Variants in BAIAP2 observed in about 807,000 individuals in gnomAD.
BAIAP2 encodes the protein BAR/IMD domain containing adaptor protein 2.
Under a neutral mutation model 63.0 loss-of-function variants are expected in BAIAP2, and 18 were observed. That is an observed-to-expected ratio of 0.29 (90% CI 0.20 to 0.42). The LOEUF (loss-of-function observed/expected upper bound fraction) is 0.42. BAIAP2 is among the 10% of genes least tolerant of loss of function. The pLI is 1.00. For synonymous variants in BAIAP2, 386 were observed against 307.6 expected (o/e 1.25, Z -2.67); for missense variants, 610 against 734.3 (o/e 0.83, Z 1.96).
chr17:81,057,969 T>TGGGGGGGG lies in BAIAP2; in HGVS notation c.217+3_217+4insGGGGGGGG. 5.2e-6 allele frequency: 5 copies of TGGGGGGGG among 964,844 alleles called. No individual in the cohort carries two copies. Among genetic ancestry groups the TGGGGGGGG allele is most frequent in the Non-Finnish European group, 5.6e-6 (4 of 713,566 alleles). The allele number at this position is 964,844 out of a possible 1,614,324, so 59.8% of individuals were successfully genotyped here. A position where few individuals can be genotyped will look rare whatever the true frequency, so the allele number is the denominator to read the frequency against. ...AGAGCCAGGGCTCCAAAGAACTCGG[T>TGGGGGGGG]GAGACCCCCCCCCCCCCCCCGCCTG... On this transcript the variant is annotated splice_region_variant and intron_variant, in intron 3 of 13. Transcript: ENST00000428708.
At chr17:81,085,805 C>A in intron 5 of BAIAP2, 80 bp downstream of exon 5, 3 of 1,127,298 alleles carry the variant, frequency 2.7e-6, no homozygotes, top group South Asian at 1.3e-5. Flanking sequence ...CCTTCCTCGG[C>A]CTGAAGGCTT....
chr17:81,040,859 G>T (rs1163729183), intron 1 of BAIAP2, among the ~76,000 whole-genome samples: 1 of 152,204 alleles, frequency 6.6e-6, no homozygotes, highest in Non-Finnish European at 1.5e-5. Context: ...GTGGCCCAGG[G>T]GCTCTTGGTG....
intron 1 of BAIAP2, among the ~76,000 whole-genome samples, chr17:81,049,790 T>C (rs542354085): frequency 6.6e-6 from 1 of 152,342 alleles, no homozygotes; most frequent in South Asian, 2.1e-4. Context: ...GCCTGTTGGC[T>C]ATGGGCCCCC....
chr17:81,104,173 T>A, intron 9 of BAIAP2, 65 bp downstream of exon 9: 1 of 1,552,740 alleles, frequency 6.4e-7, no homozygotes, highest in Non-Finnish European at 8.8e-7. Context: ...CCTACAGTCA[T>A]GCCACAACCC....
intron 3 of BAIAP2, among the ~76,000 whole-genome samples, chr17:81,072,005 C>CCCCGGCCTT (rs1251355024): frequency 2.0e-5 from 3 of 152,252 alleles, no homozygotes; most frequent in East Asian, 1.9e-4. Flanking sequence ...CTTCCGGCCT[C>CCCCGGCCTT]CCCGGCCTTC....
chr17:81,091,579 C>G (rs562599397), intron 6 of BAIAP2, among the ~76,000 whole-genome samples: 1 of 152,182 alleles, frequency 6.6e-6, no homozygotes, highest in Non-Finnish European at 1.5e-5. Context: ...GCAGTTGTCC[C>G]CAATCCTGAA....
chr17:81,046,919 A>T lies in BAIAP2; in HGVS notation c.55-6749A>T, dbSNP rs761150679. Among the ~76,000 whole-genome samples, 35 of 151,970 alleles carry T rather than the reference A, an allele frequency of 2.3e-4. No homozygotes were observed. The highest frequency in any genetic ancestry group is 4.1e-4 in the Non-Finnish European group (28 of 67,956). On this transcript the variant is annotated intron_variant, in intron 1 of 13. Transcript: ENST00000428708. The surrounding 1 kb of genome is among the most constrained non-coding windows in gnomAD (Gnocchi z 4.5). Reference sequence around the variant, plus strand: ...CTGTGGTGGCACAGCGGGCTGGGGGAAGCCCCTCTGGCACTGCCGGCCCCG... The same window carrying T: ...CTGTGGTGGCACAGCGGGCTGGGGGTAGCCCCTCTGGCACTGCCGGCCCCG...
chr17:81,047,411 G>A (rs775813435), intron 1 of BAIAP2, among the ~76,000 whole-genome samples: 3 of 152,188 alleles, frequency 2.0e-5, no homozygotes, highest in South Asian at 4.1e-4. Flanking sequence ...TCCTAGCATC[G>A]ACTCTTTCTC....
Position 81,050,638 on chromosome 17 carries a change from G to A in BAIAP2, c.55-3030G>A, listed in dbSNP as rs796904473. On this transcript the variant is annotated intron_variant, in intron 1 of 13. Transcript: ENST00000428708. ...GTGAGCAAGGGGTCTGCTCTGGCACGCCCACCTCCGTGGTAGTGTTTTCAT... is the reference window on the plus strand; with the variant it reads ...GTGAGCAAGGGGTCTGCTCTGGCACACCCACCTCCGTGGTAGTGTTTTCAT... Among the ~76,000 whole-genome samples the A allele has an allele frequency of 9.2e-5, 14 of 152,146 alleles. 1 individual carries two copies. The highest frequency in any genetic ancestry group is 3.1e-4 in the African/African-American group (13 of 41,540).
intron 3 of BAIAP2, among the ~76,000 whole-genome samples, chr17:81,069,432 CAGAG>C (rs1432564927): frequency 6.6e-6 from 1 of 151,936 alleles, no homozygotes; most frequent in Non-Finnish European, 1.5e-5. Flanking sequence ...GCAAGGTGGT[CAGAG>C]AGGCTGGGGA....
In BAIAP2 at chr17:81,115,266, C is replaced by G. The variant is rs1444908126; in HGVS notation, c.1536-504C>G. Among the ~76,000 whole-genome samples the G allele has an allele frequency of 2.6e-5, 4 of 152,246 alleles. No individual in the cohort carries two copies. The East Asian group carries it at 7.7e-4, about 29-fold the overall frequency. On this transcript the variant is annotated intron_variant, in intron 13 of 13. Coordinates refer to ENST00000428708, the MANE Select transcript of BAIAP2 (RefSeq NM_001144888.2). ...GGCCCATGGGTGTCCATCTGCAGCC[C>G]TGCGGGAGCCGTGAGCCTAACCTGC...
At position 81,108,490 on chromosome 17, in the gene BAIAP2, G is replaced by A. The variant is rs767277559; in HGVS notation, c.1516G>A (p.Gly506Arg). 1.2e-6 allele frequency: 2 copies of A among 1,613,912 alleles called. No individual in the cohort carries two copies. Among genetic ancestry groups the A allele is most frequent in the South Asian group, 1.1e-5 (1 of 91,090 alleles). The part of the protein sequence containing the change: ...PAFSQGLDDY[G>R]ARSMSRNPFA... ...CTGCCCCCAGGGCCTGGATGACTAT[G>A]GAGCGCGGTCCATGAGCAGGTAAGG... Residue 506 changes from glycine (G) to arginine (R), a missense_variant, in exon 13 of 14, where the codon GGA becomes AGA. Gly to Arg is a moderately radical substitution (Grantham distance 125). Coordinates refer to ENST00000428708, the MANE Select transcript of BAIAP2 (RefSeq NM_001144888.2).
At chr17:81,109,931 C>T (rs556360742) in intron 13 of BAIAP2, 99 of 985,426 alleles carry the variant, frequency 1.0e-4, no homozygotes, top group African/African-American at 1.6e-4. Flanking sequence ...CTGGGCACGC[C>T]GCACCCACGC....
intron 1 of BAIAP2, chr17:81,037,048 C>A (rs1371104725): frequency 9.0e-7 from 1 of 1,109,094 alleles, no homozygotes; most frequent in Non-Finnish European, 1.3e-6. Context: ...TAGGCCTTCA[C>A]CTAGGTGAAG....
chr17:81,048,364 A>C (rs1598512649), intron 1 of BAIAP2, among the ~76,000 whole-genome samples: 1 of 151,264 alleles, frequency 6.6e-6, no homozygotes, highest in African/African-American at 2.4e-5. Flanking sequence ...CTCAAAAAAA[A>C]AAAAAAAAAA....
intron 3 of BAIAP2, among the ~76,000 whole-genome samples, chr17:81,077,211 CTGGTGAGCGCATGA>C (rs1388401666): frequency 6.6e-6 from 1 of 152,164 alleles, no homozygotes; most frequent in Non-Finnish European, 1.5e-5. Context: ...GCTAGCTCAA[CTGGTGAGCGCATGA>C]TGCTGACGAT....
intron 1 of BAIAP2, among the ~76,000 whole-genome samples, chr17:81,037,831 G>A (rs374494013): frequency 6.6e-6 from 1 of 152,270 alleles, no homozygotes; most frequent in East Asian, 1.9e-4. Context: ...AAAGGAGGAC[G>A]CTTGTCCTTG....
At chr17:81,108,304 G>A (rs1363906154) in intron 12 of BAIAP2, 171 bp from the exon 13 acceptor site, 1 of 666,946 alleles carries the variant, frequency 1.5e-6, no homozygotes, top group African/African-American at 1.8e-5. Context: ...TGGGACCAGG[G>A]CTCCAGGCAG....
At chr17:81,086,206 G>A (rs561532294) in intron 5 of BAIAP2, among the ~76,000 whole-genome samples, 8 of 151,744 alleles carry the variant, frequency 5.3e-5, no homozygotes, top group Non-Finnish European at 7.4e-5. Flanking sequence ...TTCATCTTGG[G>A]CGACCAGAGA....
Sources: allele counts gnomAD v4.1 joint callset (sites outside exome capture counted in the v4.1 genomes callset), GRCh38; gene constraint gnomAD v4.1.1; non-coding constraint Gnocchi (gnomAD v3.1); transcripts MANE v1.5; gene names NCBI Gene and HGNC (gene_info 2026-07-23, HGNC 2026-07-21).